DESI2: variants seen among roughly 807,000 people sequenced by gnomAD.
DESI2 encodes desumoylating isopeptidase 2.
In DESI2, 10 loss-of-function variants were observed where a neutral mutation model predicts 24.1. The ratio of observed to expected loss-of-function variants is 0.41; its 90% confidence interval spans 0.26 to 0.70. The LOEUF (loss-of-function observed/expected upper bound fraction) is 0.70, where lower values mean the gene tolerates loss of function less well. Ranked by LOEUF, DESI2 falls within the 30% of genes least tolerant of loss-of-function variation. DESI2 has a pLI of 0.29. For missense variants in DESI2, 122 were observed against 234.9 expected (o/e 0.52, Z 3.14); for synonymous variants, 71 against 87.7 (o/e 0.81, Z 1.06).
At chr1:244,653,449 G>T in intron 1 of DESI2, 94 bp downstream of exon 1, 1 of 1,328,988 alleles carries the variant, frequency 7.5e-7, no homozygotes, top group Admixed American at 2.8e-5. Context: ...CTTCCTGCCT[G>T]GCGTCTCCGC....
intron 4 of DESI2, 47 bp from the exon 5 acceptor site, chr1:244,705,509 T>G: frequency 2.3e-5 from 35 of 1,510,052 alleles, no homozygotes; most frequent in Non-Finnish European, 3.0e-5. Flanking sequence ...GTGGACCAGG[T>G]AATCTTAACC....
chr1:244,703,904 C>T (rs578175711), intron 4 of DESI2, among the ~76,000 whole-genome samples: 202 of 151,974 alleles, frequency 1.3e-3, no homozygotes, highest in African/African-American at 4.4e-3. Context: ...ATGATCTGCC[C>T]GCCTCGGCCT....
intron 1 of DESI2, among the ~76,000 whole-genome samples, chr1:244,663,262 C>T (rs1158862103): frequency 1.3e-5 from 2 of 151,950 alleles, no homozygotes; most frequent in Non-Finnish European, 2.9e-5. Context: ...GTGCAAGCTC[C>T]GCCTCCTGGG....
intron 1 of DESI2, among the ~76,000 whole-genome samples, chr1:244,680,760 G>A (rs917325673): frequency 3.3e-5 from 5 of 152,262 alleles, no homozygotes; most frequent in African/African-American, 1.2e-4. Flanking sequence ...TGGCAGGGGA[G>A]AAGGAGGTGA....
intron 2 of DESI2, among the ~76,000 whole-genome samples, chr1:244,687,329 G>C (rs1488675700): frequency 6.6e-6 from 1 of 152,094 alleles, no homozygotes; most frequent in Non-Finnish European, 1.5e-5. Context: ...TTTTTCCACT[G>C]TGCTAATTCC....
At chr1:244,655,118 AT>A (rs1173748305) in intron 1 of DESI2, among the ~76,000 whole-genome samples, 3 of 152,342 alleles carry the variant, frequency 2.0e-5, no homozygotes, top group Admixed American at 6.5e-5. Flanking sequence ...TAGAGATGGT[AT>A]TCAGTATTTT....
chr1:244,674,462 T>C (rs370263069), intron 1 of DESI2, among the ~76,000 whole-genome samples: 6 of 152,248 alleles, frequency 3.9e-5, no homozygotes, highest in Admixed American at 6.5e-5. Context: ...CAGTCAATTT[T>C]AGGATATTTT....
intron 1 of DESI2, 120 bp downstream of exon 1, chr1:244,653,475 C>A (rs943368833): frequency 1.0e-6 from 1 of 953,312 alleles, no homozygotes; most frequent in South Asian, 1.6e-5. Context: ...GCCTAGTTCT[C>A]GGGGGAAGCC....
At chr1:244,674,809 C>G (rs1170253352) in intron 1 of DESI2, among the ~76,000 whole-genome samples, 1 of 152,164 alleles carries the variant, frequency 6.6e-6, no homozygotes, top group African/African-American at 2.4e-5. Flanking sequence ...ACAAGTAATG[C>G]TGCCGTGAAC....
intron 4 of DESI2, chr1:244,694,456 C>T: frequency 1.3e-6 from 1 of 775,830 alleles, no homozygotes; most frequent in South Asian, 1.3e-5. Flanking sequence ...GCTGCAGCAG[C>T]TGCCCTCTTG....
intron 1 of DESI2, among the ~76,000 whole-genome samples, chr1:244,655,985 A>C (rs923863176): frequency 1.3e-5 from 2 of 152,174 alleles, no homozygotes; most frequent in Admixed American, 1.3e-4. Context: ...TTGAGATACA[A>C]ATTTTGGTCT....
At chr1:244,674,785 A>T (rs1334323487) in intron 1 of DESI2, among the ~76,000 whole-genome samples, 1 of 152,180 alleles carries the variant, frequency 6.6e-6, no homozygotes, top group South Asian at 2.1e-4. Flanking sequence ...AGTTGTTTCT[A>T]CTTTTTGGCT....
rs534872269 is a variant in DESI2, at chr1:244,657,423, A to C, written c.42+4068A>C. Among the ~76,000 whole-genome samples, 8 of 152,302 alleles carry C rather than the reference A, an allele frequency of 5.3e-5. No individual in the cohort carries two copies. The South Asian group carries it at 1.7e-3, about 32-fold the overall frequency. Reference sequence around the variant, plus strand: ...TTCCTCTTGCCCCATGCCACTGCCCAAAAAGCCACCACTTTTGTTGTAGTT... The same window carrying C: ...TTCCTCTTGCCCCATGCCACTGCCCCAAAAGCCACCACTTTTGTTGTAGTT... On this transcript the variant is annotated intron_variant, in intron 1 of 4. Transcript: ENST00000302550.
chr1:244,695,372 G>A (rs996991763), intron 4 of DESI2, among the ~76,000 whole-genome samples: 2 of 151,996 alleles, frequency 1.3e-5, no homozygotes, highest in East Asian at 1.9e-4. Flanking sequence ...TAATATTTTC[G>A]GCCAGGCATG....
intron 1 of DESI2, among the ~76,000 whole-genome samples, chr1:244,659,250 T>C (rs79861108): frequency 0.012 from 1,812 of 152,250 alleles, 29 homozygotes; most frequent in Non-Finnish European, 0.013. Context: ...TCCATACATA[T>C]GTACATTTGT....
At chr1:244,695,692 C>T (rs1187786508) in intron 4 of DESI2, among the ~76,000 whole-genome samples, 2 of 152,108 alleles carry the variant, frequency 1.3e-5, no homozygotes, top group Non-Finnish European at 2.9e-5. Flanking sequence ...GTAGAAAATT[C>T]AAAACATATA....
chr1:244,705,005 T>C (rs907490963), intron 4 of DESI2, among the ~76,000 whole-genome samples: 1 of 152,080 alleles, frequency 6.6e-6, no homozygotes, highest in African/African-American at 2.4e-5. Context: ...CTGTTTTTTC[T>C]GGACCAGGAT....
chr1:244,654,452 A>G (rs1228642734), intron 1 of DESI2, among the ~76,000 whole-genome samples: 1 of 152,136 alleles, frequency 6.6e-6, no homozygotes, highest in Non-Finnish European at 1.5e-5. Context: ...TTACAGTGTT[A>G]TTATATCTTG....
chr1:244,675,185 T>G (rs1343974812), intron 1 of DESI2, among the ~76,000 whole-genome samples: 1 of 152,186 alleles, frequency 6.6e-6, no homozygotes, highest in Non-Finnish European at 1.5e-5. Context: ...CTTATATGTA[T>G]TCTACATATA....
Sources: gnomAD v4.1 joint callset for allele counts (sites outside exome capture counted in the v4.1 genomes callset) on GRCh38, gnomAD v4.1.1 for gene constraint, MANE v1.5 for transcripts, NCBI Gene and HGNC (gene_info 2026-07-23, HGNC 2026-07-21) for gene names.